Variants in EPM2A observed in about 807,000 individuals in gnomAD.
EPM2A encodes the protein EPM2A glucan phosphatase, laforin.
Under a neutral mutation model 26.5 loss-of-function variants are expected in EPM2A, and 21 were observed. The ratio of observed to expected loss-of-function variants is 0.79; its 90% confidence interval spans 0.56 to 1.14. The LOEUF is 1.14. EPM2A is among the 50% of genes most tolerant of loss of function. EPM2A has a pLI of 0.00. For synonymous variants in EPM2A, 217 were observed against 177.6 expected, an observed-to-expected ratio of 1.22 and a Z score of -1.76; for missense variants, 458 against 440.8, an observed-to-expected ratio of 1.04 and a Z score of -0.35.
chr6:145,645,545 C>T (rs1418932841), intron 2 of EPM2A, among the ~76,000 whole-genome samples: 1 of 152,100 alleles, frequency 6.6e-6, no homozygotes, highest in Non-Finnish European at 1.5e-5. Flanking sequence ...CCTCAAGTAA[C>T]CCTTCTGCTT....
intron 2 of EPM2A, among the ~76,000 whole-genome samples, chr6:145,573,556 C>G (rs1294246933): frequency 1.3e-5 from 2 of 152,200 alleles, no homozygotes; most frequent in Admixed American, 1.3e-4. Flanking sequence ...GAATCACCAC[C>G]CCTGTGTCTT....
At chr6:145,460,622 A>G (rs1300326071) in intron 4 of EPM2A, among the ~76,000 whole-genome samples, 2 of 151,954 alleles carry the variant, frequency 1.3e-5, no homozygotes, top group African/African-American at 4.8e-5. Context: ...TCCTTCCTGT[A>G]CGAGAGGGAA....
intron 2 of EPM2A, among the ~76,000 whole-genome samples, chr6:145,568,787 T>C (rs946690398): frequency 6.6e-6 from 1 of 152,164 alleles, no homozygotes; most frequent in African/African-American, 2.4e-5. Flanking sequence ...ATAGTACCTG[T>C]GGTGTCAGCA....
At chr6:145,671,229 G>A (rs928917051) in intron 2 of EPM2A, 10 of 1,050,026 alleles carry the variant, frequency 9.5e-6, no homozygotes, top group African/African-American at 1.7e-5. Flanking sequence ...TACAAGAAGT[G>A]TATACATACT....
At chr6:145,537,331 A>G (rs1780445557) in intron 2 of EPM2A, among the ~76,000 whole-genome samples, 1 of 152,204 alleles carries the variant, frequency 6.6e-6, no homozygotes, top group Admixed American at 6.5e-5. Flanking sequence ...CCAATAGAAC[A>G]TGGGTTAGGG....
chr6:145,441,304 C>T (rs1562335844), intron 4 of EPM2A, among the ~76,000 whole-genome samples: 1 of 152,216 alleles, frequency 6.6e-6, no homozygotes, highest in Non-Finnish European at 1.5e-5. Context: ...CTAAACTGCA[C>T]ACAGAAGAAG....
At chr6:145,415,258 T>C (rs1213053814) in intron 4 of EPM2A, among the ~76,000 whole-genome samples, 1 of 152,210 alleles carries the variant, frequency 6.6e-6, no homozygotes, top group Non-Finnish European at 1.5e-5. Flanking sequence ...GGCCTGACAA[T>C]GTACGGTTTT....
At chr6:145,419,433 C>A (rs1778753837) in intron 4 of EPM2A, among the ~76,000 whole-genome samples, 2 of 152,012 alleles carry the variant, frequency 1.3e-5, no homozygotes, top group Non-Finnish European at 2.9e-5. Context: ...CAGATGGAAA[C>A]CTAAGAATAG....
At chr6:145,445,113 C>T (rs1422872763) in intron 4 of EPM2A, among the ~76,000 whole-genome samples, 1 of 152,064 alleles carries the variant, frequency 6.6e-6, no homozygotes, top group African/African-American at 2.4e-5. Flanking sequence ...TCTGCCTTAG[C>T]CTTCATTTTC....
chr6:145,516,940 C>A (rs1314201820), intron 2 of EPM2A, among the ~76,000 whole-genome samples: 1 of 152,112 alleles, frequency 6.6e-6, no homozygotes, highest in African/African-American at 2.4e-5. Context: ...GATGTGAAAA[C>A]AACTCAAACG....
At chr6:145,567,987 T>C (rs1345357055) in intron 2 of EPM2A, among the ~76,000 whole-genome samples, 3 of 152,190 alleles carry the variant, frequency 2.0e-5, no homozygotes, top group Non-Finnish European at 4.4e-5. Flanking sequence ...CCATTTACAA[T>C]TCCTGTTTCC....
At chr6:145,662,264 C>CA (rs1239242179) in intron 2 of EPM2A, among the ~76,000 whole-genome samples, 1 of 151,422 alleles carries the variant, frequency 6.6e-6, no homozygotes, top group South Asian at 2.1e-4. Flanking sequence ...CACTTGGCAC[C>CA]AAAAAAAATC....
chr6:145,386,445 T>C (rs1582713315), intron 4 of EPM2A, among the ~76,000 whole-genome samples: 1 of 152,242 alleles, frequency 6.6e-6, no homozygotes, highest in South Asian at 2.1e-4. Context: ...AACTTAGGAA[T>C]CATTTTAAAT....
intron 2 of EPM2A, among the ~76,000 whole-genome samples, chr6:145,668,087 C>A (rs1270152767): frequency 6.7e-6 from 1 of 149,226 alleles, no homozygotes; most frequent in Non-Finnish European, 1.5e-5. Flanking sequence ...GTGGGTGCAG[C>A]GCACCAGCAT....
intron 2 of EPM2A, among the ~76,000 whole-genome samples, chr6:145,524,683 C>T (rs935385775): frequency 1.3e-5 from 2 of 151,962 alleles, no homozygotes; most frequent in African/African-American, 4.8e-5. Flanking sequence ...TTTTCAGATG[C>T]ACAGTTTGTG....
intron 4 of EPM2A, among the ~76,000 whole-genome samples, chr6:145,459,840 A>G (rs539869331): frequency 9.8e-5 from 15 of 152,286 alleles, no homozygotes; most frequent in South Asian, 4.1e-4. Flanking sequence ...ATCCTTTATA[A>G]TCTACTTTAG....
intron 2 of EPM2A, among the ~76,000 whole-genome samples, chr6:145,566,182 C>T (rs1351566393): frequency 2.0e-5 from 3 of 152,102 alleles, no homozygotes; most frequent in South Asian, 2.1e-4. Flanking sequence ...GTGTTAGTCT[C>T]GGATCTGTCA....
chr6:145,478,563 C>T (rs2114731291), intron 4 of EPM2A, among the ~76,000 whole-genome samples: 1 of 151,970 alleles, frequency 6.6e-6, no homozygotes, highest in East Asian at 1.9e-4. Context: ...CAACATGGTA[C>T]TGGCATAAAA....
intron 1 of EPM2A, chr6:145,722,699 G>T: frequency 6.8e-6 from 3 of 439,510 alleles, no homozygotes; most frequent in South Asian, 4.9e-5. Flanking sequence ...CTCAGAATGT[G>T]ATCTTATTTG....
Sources: gnomAD v4.1 joint callset for allele counts (sites outside exome capture counted in the v4.1 genomes callset) on GRCh38, gnomAD v4.1.1 for gene constraint, MANE v1.5 for transcripts, NCBI Gene and HGNC (gene_info 2026-07-23, HGNC 2026-07-21) for gene names.